TRIO: variants seen among roughly 807,000 people sequenced by gnomAD.
TRIO encodes the protein triple functional domain protein.
A neutral mutation model predicts 351.9 loss-of-function variants in TRIO; 58 were observed. That is an observed-to-expected ratio of 0.16 (90% CI 0.13 to 0.21). TRIO has a LOEUF of 0.21. Ranked by LOEUF, TRIO falls within the 10% of genes least tolerant of loss-of-function variation. TRIO has a pLI of 1.00. For missense variants in TRIO, 3,201 were observed against 4,027.8 expected (o/e 0.79, Z 5.56); for synonymous variants, 1,758 against 1,595.7 (o/e 1.10, Z -2.42).
intron 13 of TRIO, among the ~76,000 whole-genome samples, chr5:14,362,604 T>G (rs1380011096): frequency 6.6e-6 from 1 of 152,238 alleles, no homozygotes; most frequent in East Asian, 1.9e-4. Context: ...TGTGTAACTT[T>G]TAGTTTCCCT....
rs773767 is a variant in TRIO, at chr5:14,293,236, G to A, written c.1176+102G>A. On this transcript the variant is annotated intron_variant, in intron 6 of 56. Transcript: ENST00000344204. ...CTAGGGCTTTCAAGGGGCCTTCGGA[G>A]TGGCTGTTGATTGTAGCAGCTGACC... The A allele has an allele frequency of 0.06, 90,813 of 1,521,498 alleles. 2,925 individuals carry two copies. Among genetic ancestry groups the A allele is most frequent in the Middle Eastern group, 0.097 (479 of 4,952 alleles). The allele number at this position is 1,521,498 out of a possible 1,614,324, so 94.2% of individuals were successfully genotyped here.
chr5:14,150,866 A>T (rs1404810541), intron 1 of TRIO, among the ~76,000 whole-genome samples: 1 of 152,218 alleles, frequency 6.6e-6, no homozygotes, highest in East Asian at 1.9e-4. Flanking sequence ...AAAGATAGAT[A>T]GGGGGAAATA....
intron 28 of TRIO, among the ~76,000 whole-genome samples, chr5:14,395,927 T>C (rs1436372745): frequency 6.6e-6 from 1 of 151,220 alleles, no homozygotes; most frequent in African/African-American, 2.4e-5. Context: ...GCGCCTGTAG[T>C]CCCAGCTGCT....
chr5:14,148,209 T>G (rs1422314137), intron 1 of TRIO, among the ~76,000 whole-genome samples: 5 of 152,242 alleles, frequency 3.3e-5, no homozygotes, highest in African/African-American at 4.8e-5. Flanking sequence ...GGTGGTGGTG[T>G]TCAAAATGAA....
chr5:14,437,003 G>A (rs1751638446), intron 34 of TRIO, among the ~76,000 whole-genome samples: 1 of 152,324 alleles, frequency 6.6e-6, no homozygotes, highest in Non-Finnish European at 1.5e-5. Context: ...CTGTATGTGT[G>A]TGTATGACTT....
intron 9 of TRIO, among the ~76,000 whole-genome samples, chr5:14,318,938 A>G (rs1411874493): frequency 6.6e-6 from 1 of 150,388 alleles, no homozygotes; most frequent in African/African-American, 2.5e-5. Flanking sequence ...CCCACACCCC[A>G]TTTCTCATGG....
At chr5:14,272,049 T>C (rs1796007816) in intron 2 of TRIO, among the ~76,000 whole-genome samples, 1 of 152,228 alleles carries the variant, frequency 6.6e-6, no homozygotes, top group South Asian at 2.1e-4. Context: ...AAATACATGG[T>C]GAAAAACAAA....
chr5:14,417,204 A>G (rs1371002456), intron 33 of TRIO, among the ~76,000 whole-genome samples: 2 of 152,194 alleles, frequency 1.3e-5, no homozygotes, highest in Non-Finnish European at 1.5e-5. Flanking sequence ...AAAATTTAAC[A>G]TGGGTTTTCC....
At chr5:14,334,221 C>T (rs962105732) in intron 10 of TRIO, among the ~76,000 whole-genome samples, 37 of 152,282 alleles carry the variant, frequency 2.4e-4, no homozygotes, top group African/African-American at 8.4e-4. Flanking sequence ...ATGGTTGATA[C>T]TAGCACAAAG....
intron 1 of TRIO, among the ~76,000 whole-genome samples, chr5:14,251,773 G>T (rs1323798386): frequency 6.6e-6 from 1 of 152,134 alleles, no homozygotes; most frequent in African/African-American, 2.4e-5. Flanking sequence ...TGAGGATGGG[G>T]GTGGCCTAAG....
chr5:14,398,605 G>A (rs1747810190), intron 29 of TRIO, among the ~76,000 whole-genome samples: 2 of 152,198 alleles, frequency 1.3e-5, no homozygotes, highest in Non-Finnish European at 2.9e-5. Context: ...AACTGTTGCA[G>A]AGGCCCACCA....
intron 7 of TRIO, among the ~76,000 whole-genome samples, chr5:14,301,919 C>T (rs1206688950): frequency 6.6e-6 from 1 of 152,114 alleles, no homozygotes; most frequent in Non-Finnish European, 1.5e-5. Flanking sequence ...GTGCAAAACC[C>T]TCTGTAAAAC....
rs1358672246 is a variant in TRIO, at chr5:14,461,148, C to G, written c.5333C>G (p.Thr1778Ser). The change falls in exon 35 of 57, where the codon ACC (threonine) becomes AGC (serine). Residue 1778 changes from threonine to serine, a missense_variant. Coordinates refer to ENST00000344204, the MANE Select transcript of TRIO (RefSeq NM_007118.4). ...GGCAACACCCTGCGCAAGTGGCTCA[C>G]CAGCCCCGTGCGGCGGCTCAGCAGC... ...RPGNTLRKWL[T>S]SPVRRLSSGK... 1.9e-6 allele frequency: 3 copies of G among 1,556,204 alleles called. No homozygotes were observed. The highest frequency in any genetic ancestry group is 2.4e-5 in the East Asian group (1 of 41,332).
intron 38 of TRIO, among the ~76,000 whole-genome samples, chr5:14,471,796 G>C (rs1436872692): frequency 6.6e-6 from 1 of 152,090 alleles, no homozygotes; most frequent in Non-Finnish European, 1.5e-5. Flanking sequence ...ATTAGAACCA[G>C]TCCCCAAAAC....
chr5:14,298,753 T>C (rs1011452575), intron 7 of TRIO, among the ~76,000 whole-genome samples: 1 of 152,180 alleles, frequency 6.6e-6, no homozygotes, highest in Admixed American at 6.5e-5. Context: ...ATGTAAAAGC[T>C]GAGAGTTTCA....
At position 14,290,920 on chromosome 5, in the gene TRIO, G is replaced by C; in HGVS notation, c.745G>C (p.Asp249His). ...DILAKKELPQ[D>H]LEGARNMIEE... Reference sequence around the variant, plus strand: ...CCTAGCTAAGAAGGAGCTGCCTCAGGATTTAGAGGGGGCTCGGAATATGAT... The same window carrying C: ...CCTAGCTAAGAAGGAGCTGCCTCAGCATTTAGAGGGGGCTCGGAATATGAT... The change falls in exon 5 of 57, where the codon GAT becomes CAT. Residue 249 changes from aspartate (D) to histidine (H), a missense_variant. Transcript: ENST00000344204. The C allele has an allele frequency of 6.2e-7, 1 of 1,614,200 alleles. No individual in the cohort carries two copies. Among genetic ancestry groups the C allele is most frequent in the Non-Finnish European group, 8.5e-7 (1 of 1,180,036 alleles).
At chr5:14,158,050 TTCTA>T (rs1421361766) in intron 1 of TRIO, among the ~76,000 whole-genome samples, 2 of 151,656 alleles carry the variant, frequency 1.3e-5, no homozygotes, top group Non-Finnish European at 2.9e-5. Flanking sequence ...TAGCAACCCT[TTCTA>T]TGATGACACA....
chr5:14,274,286 G>C (rs971286068), intron 2 of TRIO, among the ~76,000 whole-genome samples: 3 of 152,138 alleles, frequency 2.0e-5, no homozygotes, highest in African/African-American at 4.8e-5. Context: ...CTATAGTGTA[G>C]ATTTTGCTGG....
intron 54 of TRIO, among the ~76,000 whole-genome samples, chr5:14,503,066 AAGAG>A (rs1364429467): frequency 1.3e-4 from 20 of 152,226 alleles, no homozygotes; most frequent in African/African-American, 4.8e-4. Flanking sequence ...TGCACAAACT[AAGAG>A]AGAGGTTTCC....
Sources: allele counts gnomAD v4.1 joint callset (sites outside exome capture counted in the v4.1 genomes callset), GRCh38; gene constraint gnomAD v4.1.1; transcripts MANE v1.5; gene names NCBI Gene and HGNC (gene_info 2026-07-23, HGNC 2026-07-21).